The following CNTNAP2 variants were observed in gnomAD, a reference collection of about 807,000 sequenced individuals.
CNTNAP2 encodes the protein contactin-associated protein-like 2.
CNTNAP2 carries 98 observed loss-of-function variants against 155.2 expected under a neutral mutation model. That is an observed-to-expected ratio of 0.63 (90% CI 0.54 to 0.75). The LOEUF (loss-of-function observed/expected upper bound fraction) is 0.75, where lower values mean the gene tolerates loss of function less well. Ranked by LOEUF, CNTNAP2 falls within the 30% of genes least tolerant of loss-of-function variation. The pLI is 0.00. For missense variants in CNTNAP2, 1,727 were observed against 1,688.1 expected (o/e 1.02, Z -0.40); for synonymous variants, 651 against 631.2 (o/e 1.03, Z -0.47).
chr7:148,132,424 A>G (rs1018898205), intron 16 of CNTNAP2, among the ~76,000 whole-genome samples: 7 of 149,356 alleles, frequency 4.7e-5, no homozygotes, highest in Middle Eastern at 3.4e-3. Context: ...TCAATTTTTA[A>G]GGGGATTGTG....
intron 9 of CNTNAP2, among the ~76,000 whole-genome samples, chr7:147,365,907 T>C (rs1796222553): frequency 1.3e-5 from 2 of 152,206 alleles, no homozygotes; most frequent in African/African-American, 4.8e-5. Context: ...TCCTAGTTCT[T>C]GAATTATTTG....
chr7:146,355,037 AG>A (rs1045048419), intron 1 of CNTNAP2, among the ~76,000 whole-genome samples: 1 of 152,212 alleles, frequency 6.6e-6, no homozygotes, highest in Admixed American at 6.5e-5. Context: ...ACAGTATAAC[AG>A]GAGTCTCAGA....
intron 1 of CNTNAP2, among the ~76,000 whole-genome samples, chr7:146,738,847 T>TTC (rs1563211174): frequency 6.6e-6 from 1 of 151,756 alleles, no homozygotes; most frequent in East Asian, 1.9e-4. Context: ...TTCTGTTTTT[T>TTC]TTTTTTCATA....
chr7:146,878,791 C>T (rs1186433587), intron 3 of CNTNAP2, among the ~76,000 whole-genome samples: 1 of 152,146 alleles, frequency 6.6e-6, no homozygotes, highest in Non-Finnish European at 1.5e-5. Context: ...GCCTTACCTG[C>T]CGATCTTCTT....
chr7:147,500,568 T>C (rs956110943), intron 11 of CNTNAP2, among the ~76,000 whole-genome samples: 2 of 152,164 alleles, frequency 1.3e-5, no homozygotes, highest in African/African-American at 2.4e-5. Context: ...TAGTGCTTGG[T>C]AAGTATTAAA....
At chr7:147,031,832 C>T (rs561390143) in intron 3 of CNTNAP2, among the ~76,000 whole-genome samples, 1 of 152,298 alleles carries the variant, frequency 6.6e-6, no homozygotes, top group East Asian at 1.9e-4. Context: ...GTGGAAGAAT[C>T]ACTTGAACCT....
At chr7:148,342,814 CA>C (rs1798258149) in intron 21 of CNTNAP2, among the ~76,000 whole-genome samples, 1 of 152,166 alleles carries the variant, frequency 6.6e-6, no homozygotes, top group Non-Finnish European at 1.5e-5. Flanking sequence ...CTTTTAGAAA[CA>C]AAAACTATTT....
chr7:147,575,172 A>T (rs1800366539), intron 12 of CNTNAP2, among the ~76,000 whole-genome samples: 1 of 39,764 alleles, frequency 2.5e-5, no homozygotes, highest in African/African-American at 1.1e-4. Context: ...CTTTAGGAGT[A>T]TGCATATGTG....
intron 4 of CNTNAP2, among the ~76,000 whole-genome samples, chr7:147,104,893 T>TAC (rs1352637599): frequency 3.4e-5 from 2 of 58,542 alleles, no homozygotes; most frequent in African/African-American, 1.4e-4. Flanking sequence ...TATATATATA[T>TAC]ATATATATAT....
intron 3 of CNTNAP2, among the ~76,000 whole-genome samples, chr7:146,993,442 G>T (rs553603179): frequency 6.6e-6 from 1 of 152,134 alleles, no homozygotes; most frequent in East Asian, 1.9e-4. Flanking sequence ...TCATGCTTGA[G>T]TCCACTCCCT....
intron 1 of CNTNAP2, among the ~76,000 whole-genome samples, chr7:146,625,347 G>T (rs946967048): frequency 6.8e-6 from 1 of 146,860 alleles, no homozygotes; most frequent in Non-Finnish European, 1.5e-5. Flanking sequence ...TATTAGAAAA[G>T]ACTACTTTGA....
intron 8 of CNTNAP2, among the ~76,000 whole-genome samples, chr7:147,267,335 G>A (rs1171127432): frequency 6.6e-6 from 1 of 152,130 alleles, no homozygotes; most frequent in Non-Finnish European, 1.5e-5. Context: ...TGAAAGTAAT[G>A]GAAAACAGTA....
chr7:146,352,941 A>C (rs887778653), intron 1 of CNTNAP2, among the ~76,000 whole-genome samples: 2 of 151,042 alleles, frequency 1.3e-5, no homozygotes, highest in African/African-American at 4.9e-5. Flanking sequence ...TTTTTAGTAG[A>C]GACAGGATTT....
At chr7:147,577,525 G>A (rs1265466975) in intron 12 of CNTNAP2, among the ~76,000 whole-genome samples, 1 of 151,712 alleles carries the variant, frequency 6.6e-6, no homozygotes, top group Non-Finnish European at 1.5e-5. Context: ...TTCTACTTGT[G>A]TATACAAAGG....
intron 9 of CNTNAP2, among the ~76,000 whole-genome samples, chr7:147,312,142 C>T (rs1244600801): frequency 6.6e-6 from 1 of 151,978 alleles, no homozygotes; most frequent in Non-Finnish European, 1.5e-5. Context: ...GAACTCACCC[C>T]TCCTTTTATT....
rs552348892 is a variant in CNTNAP2, at chr7:148,319,562, A to T, written c.3475+52436A>T. 5.3e-5 allele frequency among the ~76,000 whole-genome samples: 8 copies of T among 152,086 alleles called. No homozygotes were observed. The South Asian group carries it at 1.7e-3, about 32-fold the overall frequency. On this transcript the variant is annotated intron_variant, in intron 21 of 23. Transcript: ENST00000361727. ...GCAGGAGGTGAATGGCAGACACGCA[A>T]TTGAAGCTTCATATGTGTTTACAAC...
intron 1 of CNTNAP2, among the ~76,000 whole-genome samples, chr7:146,532,701 C>T (rs1363719811): frequency 2.6e-5 from 4 of 151,856 alleles, no homozygotes; most frequent in African/African-American, 9.7e-5. Flanking sequence ...CTAAATGTAC[C>T]CCCACTTAAC....
At chr7:146,254,163 AAG>A (rs112700793) in intron 1 of CNTNAP2, among the ~76,000 whole-genome samples, 5,486 of 129,092 alleles carry the variant, frequency 0.042, 257 homozygotes, top group African/African-American at 0.17. Flanking sequence ...ACACACACAC[AAG>A]CAAACACACA....
At chr7:147,995,362 CT>C (rs1801783957) in intron 15 of CNTNAP2, among the ~76,000 whole-genome samples, 2 of 152,252 alleles carry the variant, frequency 1.3e-5, no homozygotes, top group East Asian at 3.9e-4. Context: ...TCTCCTTCCC[CT>C]GCTCCCCAAA....
Sources: gnomAD v4.1 joint callset for allele counts (sites outside exome capture counted in the v4.1 genomes callset) on GRCh38, gnomAD v4.1.1 for gene constraint, MANE v1.5 for transcripts, NCBI Gene and HGNC (gene_info 2026-07-23, HGNC 2026-07-21) for gene names.